PHF20: variants seen among roughly 807,000 people sequenced by gnomAD.
PHF20 encodes glioma-expressed antigen 2.
In PHF20, 23 loss-of-function variants were observed where a neutral mutation model predicts 113.5. The observed-to-expected ratio is 0.20, with a 90% CI of 0.15 to 0.29. The LOEUF is 0.29. PHF20 is among the 10% of genes least tolerant of loss of function. PHF20 has a pLI of 1.00. For missense variants in PHF20, 943 were observed against 1,219.6 expected (o/e 0.77, Z 3.38); for synonymous variants, 434 against 457.3 (o/e 0.95, Z 0.65).
chr20:35,783,474 G>A (rs1345098408), intron 1 of PHF20, among the ~76,000 whole-genome samples: 1 of 151,792 alleles, frequency 6.6e-6, no homozygotes, highest in Non-Finnish European at 1.5e-5. Context: ...GGAGTGCAGT[G>A]GCACAATCAC....
intron 11 of PHF20, 105 bp downstream of exon 11, chr20:35,913,452 AC>A: frequency 1.3e-6 from 1 of 780,234 alleles, no homozygotes; most frequent in Admixed American, 2.3e-5. Context: ...CAGAGGAAGG[AC>A]CAATAGTCTC....
intron 1 of PHF20, among the ~76,000 whole-genome samples, chr20:35,786,988 G>GTTT (rs954417364): frequency 1.6e-5 from 2 of 128,626 alleles, no homozygotes; most frequent in African/African-American, 2.9e-5. Flanking sequence ...TCTCTTTCCT[G>GTTT]TTTTTTTTTT....
chr20:35,946,744 T>C (rs1287615202), intron 17 of PHF20, among the ~76,000 whole-genome samples: 1 of 151,894 alleles, frequency 6.6e-6, no homozygotes, highest in Admixed American at 6.6e-5. Context: ...GGAGTCTCGC[T>C]TTGTCGCCAG....
chr20:35,914,691 G>A (rs141694128), intron 12 of PHF20, among the ~76,000 whole-genome samples: 32 of 152,054 alleles, frequency 2.1e-4, no homozygotes, highest in African/African-American at 6.5e-4. Flanking sequence ...GTGGCCAGGC[G>A]CGGTGGCTCA....
chr20:35,809,135 C>T (rs76909616), intron 2 of PHF20, among the ~76,000 whole-genome samples: 354 of 151,862 alleles, frequency 2.3e-3, no homozygotes, highest in Non-Finnish European at 2.9e-3. Flanking sequence ...ATCCCAGCTA[C>T]CCCTGAGTCT....
At chr20:35,835,598 A>T (rs1263562274) in intron 2 of PHF20, among the ~76,000 whole-genome samples, 3 of 152,210 alleles carry the variant, frequency 2.0e-5, no homozygotes, top group Non-Finnish European at 4.4e-5. Context: ...GAGTAATGAT[A>T]ACTTAAATTT....
chr20:35,799,904 A>G lies in PHF20; in HGVS notation c.-32-1587A>G, dbSNP rs934081040. Among the ~76,000 whole-genome samples, 4 of 152,224 alleles carry G rather than the reference A, an allele frequency of 2.6e-5. No individual in the cohort carries two copies. The East Asian group carries it at 7.7e-4, about 29-fold the overall frequency. On this transcript the variant is annotated intron_variant, in intron 1 of 17. Coordinates refer to ENST00000374012, the MANE Select transcript of PHF20 (RefSeq NM_016436.5). ...CTGGTCTCAAACTCCTGACCTTGTG[A>G]TCCGCCTGCCTCGGCTTCCCAAAGT...
intron 2 of PHF20, among the ~76,000 whole-genome samples, chr20:35,835,519 A>C (rs1006014830): frequency 6.6e-6 from 1 of 152,204 alleles, no homozygotes. Flanking sequence ...TGTCAATAAA[A>C]TCCTGGAACA....
In PHF20 at chr20:35,913,890, G is replaced by C. The variant is rs1453562806; in HGVS notation, c.1661-143G>C. 4 of 696,086 alleles carry C rather than the reference G, an allele frequency of 5.7e-6. No homozygotes were observed. In the East Asian group the frequency reaches 1.1e-4, roughly 19 times the overall value. The allele number at this position is 696,086 out of a possible 1,614,324, so 43.1% of individuals were successfully genotyped here. A position where few individuals can be genotyped will look rare whatever the true frequency, so the allele number is the denominator to read the frequency against. On this transcript the variant is annotated intron_variant, in intron 11 of 17. Transcript: ENST00000374012. ...AGGAGGTGTTTGGGCCCCTTCATCTGCTCTCCACACCTCTTTTTGGTTGAA... is the reference window on the plus strand; with the variant it reads ...AGGAGGTGTTTGGGCCCCTTCATCTCCTCTCCACACCTCTTTTTGGTTGAA...
chr20:35,813,192 G>T (rs1348657042), intron 2 of PHF20, among the ~76,000 whole-genome samples: 1 of 151,772 alleles, frequency 6.6e-6, no homozygotes, highest in Non-Finnish European at 1.5e-5. Context: ...GGATGGTCTC[G>T]ATCTCCTGGC....
intron 4 of PHF20, among the ~76,000 whole-genome samples, chr20:35,854,170 TG>T (rs1334474319): frequency 8.5e-5 from 13 of 152,358 alleles, no homozygotes; most frequent in African/African-American, 3.1e-4. Context: ...CCTATGTCTT[TG>T]GTCCTAGAGA....
intron 2 of PHF20, among the ~76,000 whole-genome samples, chr20:35,835,269 C>T (rs977921285): frequency 2.0e-5 from 3 of 150,824 alleles, no homozygotes; most frequent in African/African-American, 4.9e-5. Context: ...AGCGAGATGC[C>T]ATCTCAAAAA....
intron 10 of PHF20, among the ~76,000 whole-genome samples, chr20:35,903,621 A>G (rs1402745616): frequency 2.0e-5 from 3 of 152,170 alleles, no homozygotes; most frequent in African/African-American, 7.2e-5. Flanking sequence ...TGTATCTCCC[A>G]TGCCTCATTG....
intron 9 of PHF20, among the ~76,000 whole-genome samples, chr20:35,881,218 C>A (rs1018744189): frequency 6.6e-6 from 1 of 151,338 alleles, no homozygotes; most frequent in Non-Finnish European, 1.5e-5. Flanking sequence ...CTACCATGCC[C>A]GACTAATTTT....
chr20:35,869,771 T>C (rs2054385049), intron 7 of PHF20, among the ~76,000 whole-genome samples: 1 of 152,190 alleles, frequency 6.6e-6, no homozygotes, highest in Admixed American at 6.5e-5. Context: ...TGTGGTATCA[T>C]CTCCATATCC....
chr20:35,817,271 C>T (rs943408110), intron 2 of PHF20, among the ~76,000 whole-genome samples: 5 of 152,122 alleles, frequency 3.3e-5, no homozygotes, highest in South Asian at 4.2e-4. Context: ...ACTGCAATCT[C>T]CGCCTCCTGG....
At chr20:35,897,805 G>C (rs56264629) in intron 9 of PHF20, among the ~76,000 whole-genome samples, 1,600 of 151,294 alleles carry the variant, frequency 0.011, 17 homozygotes, top group East Asian at 0.039. Flanking sequence ...CTGACCTTGT[G>C]ATCTGCCTGC....
intron 13 of PHF20, among the ~76,000 whole-genome samples, chr20:35,923,391 A>G (rs753521609): frequency 2.6e-5 from 4 of 152,248 alleles, no homozygotes; most frequent in Non-Finnish European, 4.4e-5. Flanking sequence ...ACTTGAGTCC[A>G]GGAGTTCAAA....
chr20:35,858,986 T>C (rs2054168278), intron 5 of PHF20, among the ~76,000 whole-genome samples: 1 of 152,214 alleles, frequency 6.6e-6, no homozygotes, highest in African/African-American at 2.4e-5. Flanking sequence ...TTCTTCTCTC[T>C]GTGCCCTGCG....
Sources: gnomAD v4.1 joint callset for allele counts (sites outside exome capture counted in the v4.1 genomes callset) on GRCh38, gnomAD v4.1.1 for gene constraint, MANE v1.5 for transcripts, NCBI Gene and HGNC (gene_info 2026-07-23, HGNC 2026-07-21) for gene names.